ABCA9: variants seen among roughly 807,000 people sequenced by gnomAD.
ABCA9 encodes the protein ATP-binding cassette sub-family A member 9.
Under a neutral mutation model 205.3 loss-of-function variants are expected in ABCA9, and 183 were observed. The ratio of observed to expected loss-of-function variants is 0.89; its 90% confidence interval spans 0.79 to 1.01. The LOEUF (loss-of-function observed/expected upper bound fraction) is 1.01, where lower values mean the gene tolerates loss of function less well. Ranked by LOEUF, ABCA9 falls within the 50% of genes least tolerant of loss-of-function variation. The pLI, the probability that ABCA9 is intolerant of heterozygous loss-of-function variation, is 0.00. For synonymous variants in ABCA9, 651 were observed against 683.3 expected (o/e 0.95, Z 0.74); for missense variants, 1,805 against 1,912.4 (o/e 0.94, Z 1.05).
intron 2 of ABCA9, 79 bp downstream of exon 2, chr17:69,050,952 G>T: frequency 7.6e-7 from 1 of 1,320,894 alleles, no homozygotes; most frequent in Non-Finnish European, 1.0e-6. Flanking sequence ...GTTAAATAAT[G>T]AAAATAAAGT....
rs1397289394 is a variant in ABCA9, at chr17:69,044,517, T to C, written c.553A>G (p.Ile185Val). 1.9e-6 allele frequency: 3 copies of C among 1,613,010 alleles called. No individual in the cohort carries two copies. Among genetic ancestry groups the C allele is most frequent in the East Asian group, 4.5e-5 (2 of 44,804 alleles). Residue 185 changes from isoleucine to valine, a missense_variant, in exon 5 of 39, where the codon ATT becomes GTT. Ile to Val is a conservative substitution (Grantham distance 29, BLOSUM62 3). Coordinates refer to ENST00000340001, the MANE Select transcript of ABCA9 (RefSeq NM_080283.4). ...EKGFVAFQAA[I>V]NAAIIEIATN... The stretch of plus-strand genomic sequence containing the variant: ...CTCACTTCTATGATAGCAGCATTAA[T>C]GGCAGCTTGAAAAGCTACAAAGCCT...
chr17:69,009,873 G>T (rs1002210466), intron 23 of ABCA9, among the ~76,000 whole-genome samples: 3 of 152,178 alleles, frequency 2.0e-5, no homozygotes, highest in African/African-American at 7.2e-5. Context: ...GGGGTTGCCA[G>T]TTAAATTTGA....
In ABCA9 at chr17:69,043,630, C is replaced by T. The variant is rs745793212; in HGVS notation, c.659G>A (p.Gly220Glu). The change falls in exon 6 of 39, where the codon GGA becomes GAA. Residue 220 changes from glycine (G) to glutamate (E), a missense_variant. Transcript: ENST00000340001. ...GAAAATGAAAAAATCAGTTGCAACT[C>T]CTCCTTGGGCAACAAAAGGTAATAT... ...MKILPFVAQG[G>E]VATDFFIFFC... The T allele has an allele frequency of 9.3e-6, 15 of 1,613,526 alleles. No individual in the cohort carries two copies. The highest frequency in any genetic ancestry group is 1.2e-5 in the Non-Finnish European group (14 of 1,179,834).
At chr17:69,064,454 T>C (rs1426905074), upstream of ABCA9, among the ~76,000 whole-genome samples, 7 of 152,334 alleles carry the variant, frequency 4.6e-5, no homozygotes, top group South Asian at 8.3e-4. Context: ...TATTTGAACT[T>C]AAAACATTAG....
chr17:69,048,171 G>A (rs1027027062), intron 3 of ABCA9, among the ~76,000 whole-genome samples: 2 of 152,144 alleles, frequency 1.3e-5, no homozygotes, highest in Non-Finnish European at 2.9e-5. Context: ...AAAACATGGA[G>A]ATTACAGGTC....
chr17:69,057,612 C>T (rs1432372300), intron 1 of ABCA9, among the ~76,000 whole-genome samples: 1 of 152,176 alleles, frequency 6.6e-6, no homozygotes, highest in Admixed American at 6.5e-5. Flanking sequence ...CATTAACTGA[C>T]CTACTACAAC....
rs116243281 is a variant in ABCA9, at chr17:69,005,634, A to G, written c.3435+2125T>C. ...TTCGTTCCTTGGCCACCACATTTCC[A>G]CTTCGGTTTTCTTTGTTTCGTTCTA... On this transcript the variant is annotated intron_variant, in intron 25 of 38. Transcript: ENST00000340001. 2.4e-3 allele frequency among the ~76,000 whole-genome samples: 369 copies of G among 152,292 alleles called. 2 individuals are homozygous for G. The highest frequency in any genetic ancestry group is 8.1e-3 in the African/African-American group (338 of 41,562).
chr17:69,049,184 A>G, intron 3 of ABCA9, 99 bp downstream of exon 3: 1 of 1,287,042 alleles, frequency 7.8e-7, no homozygotes, highest in Non-Finnish European at 1.1e-6. Context: ...AATAAACTCT[A>G]GAAACTTGAA....
intron 29 of ABCA9, among the ~76,000 whole-genome samples, chr17:68,990,162 C>T (rs2069400789): frequency 1.3e-5 from 2 of 152,340 alleles, no homozygotes; most frequent in African/African-American, 4.8e-5. Context: ...GAGACAGTCA[C>T]TGAACCAACA....
chr17:68,983,593 A>C, intron 36 of ABCA9, 116 bp downstream of exon 36: 1 of 1,377,450 alleles, frequency 7.3e-7, no homozygotes, highest in Non-Finnish European at 9.9e-7. Flanking sequence ...TAAGTAAAGT[A>C]CTTGCAATTA....
upstream of ABCA9, among the ~76,000 whole-genome samples, chr17:69,062,312 T>G (rs528346429): frequency 8.5e-4 from 129 of 152,160 alleles, no homozygotes; most frequent in African/African-American, 3.0e-3. Context: ...GTAACTTGTT[T>G]CCTAGAAGAA....
In ABCA9 at chr17:69,027,330, T is replaced by C. The variant is rs745558845; in HGVS notation, c.1911A>G (p.Gln637=). 8.7e-6 allele frequency: 14 copies of C among 1,612,528 alleles called. No individual in the cohort carries two copies. The Admixed American group carries it at 1.0e-4, about 12-fold the overall frequency. Residue 637 remains glutamine, a splice_region_variant and synonymous_variant, in exon 14 of 39, where the codon CAA becomes CAG. Transcript: ENST00000340001. ...CACCAGTAATTTTTGTTTGACTTACTTGAGGATCTCCTAAAATGGCAATCC... is the reference window on the plus strand; with the variant it reads ...CACCAGTAATTTTTGTTTGACTTACCTGAGGATCTCCTAAAATGGCAATCC... ...TFGIAILGDP[Q]VLLLDEPTAG... is the part of the protein sequence containing the mutation.
At chr17:69,036,372 T>C (rs575808931) in intron 6 of ABCA9, among the ~76,000 whole-genome samples, 16 of 152,294 alleles carry the variant, frequency 1.1e-4, no homozygotes, top group African/African-American at 3.8e-4. Context: ...CAAAATATTA[T>C]TGTTCATTGA....
At chr17:68,999,121 T>TTTATTA (rs527773332) in intron 25 of ABCA9, among the ~76,000 whole-genome samples, 16 of 148,322 alleles carry the variant, frequency 1.1e-4, no homozygotes, top group South Asian at 6.3e-4. Flanking sequence ...GGTTTATCTT[T>TTTATTA]TTATTATTAT....
In ABCA9 at chr17:69,044,520, C is replaced by A. The variant is rs536904724; in HGVS notation, c.550G>T (p.Ala184Ser). 6.2e-7 allele frequency: 1 copy of A among 1,612,878 alleles called. No individual in the cohort carries two copies. The highest frequency in any genetic ancestry group is 2.2e-5 in the East Asian group (1 of 44,788). The change falls in exon 5 of 39, where the codon GCC becomes TCC. Residue 184 changes from alanine (A) to serine (S), a missense_variant. Coordinates refer to ENST00000340001, the MANE Select transcript of ABCA9 (RefSeq NM_080283.4). ...WEKGFVAFQA[A>S]INAAIIEIAT... ...ACTTCTATGATAGCAGCATTAATGG[C>A]AGCTTGAAAAGCTACAAAGCCTTTC...
At chr17:69,020,977 A>G (rs1256964172) in intron 18 of ABCA9, among the ~76,000 whole-genome samples, 1 of 152,140 alleles carries the variant, frequency 6.6e-6, no homozygotes, top group Non-Finnish European at 1.5e-5. Flanking sequence ...GAACATAAAA[A>G]TGGGAGAAAC....
chr17:68,996,480 G>T (rs2069628148), intron 25 of ABCA9, among the ~76,000 whole-genome samples: 1 of 152,144 alleles, frequency 6.6e-6, no homozygotes, highest in Admixed American at 6.5e-5. Context: ...ATGAATGATG[G>T]TCTACATAGG....
intron 16 of ABCA9, among the ~76,000 whole-genome samples, chr17:69,024,691 C>T (rs1020429747): frequency 2.0e-5 from 3 of 152,108 alleles, no homozygotes; most frequent in Non-Finnish European, 4.4e-5. Flanking sequence ...AACCTCCCAA[C>T]CTTGAGCTTT....
intron 25 of ABCA9, among the ~76,000 whole-genome samples, chr17:69,001,734 A>C (rs1400615924): frequency 3.3e-5 from 5 of 149,516 alleles, no homozygotes; most frequent in South Asian, 2.1e-4. Flanking sequence ...TCGGCTGTGA[A>C]TCCATCTGGT....
Sources: gnomAD v4.1 joint callset for allele counts (sites outside exome capture counted in the v4.1 genomes callset) on GRCh38, gnomAD v4.1.1 for gene constraint, MANE v1.5 for transcripts, NCBI Gene and HGNC (gene_info 2026-07-23, HGNC 2026-07-21) for gene names.